Variants in OSBP2 observed in about 807,000 individuals in gnomAD.
The protein encoded by OSBP2 is oxysterol-binding protein 2.
Under a neutral mutation model 96.0 loss-of-function variants are expected in OSBP2, and 66 were observed. The observed-to-expected ratio is 0.69, with a 90% CI of 0.56 to 0.84. OSBP2 has a LOEUF of 0.84. OSBP2 is among the 40% of genes least tolerant of loss of function. The pLI is 0.00. For missense variants in OSBP2, 1,038 were observed against 1,222.7 expected, an observed-to-expected ratio of 0.85 and a Z score of 2.25; for synonymous variants, 525 against 520.9, an observed-to-expected ratio of 1.01 and a Z score of -0.11.
In OSBP2 at chr22:30,870,720, C is replaced by T. The variant is rs1266170644; in HGVS notation, c.1107+38C>T. ...CCCCACCGCCCTGGCACGGGGCTCC[C>T]TGGCTCCAGCCCCGGGGTCCCTCGG... On this transcript the variant is annotated intron_variant, in intron 3 of 13. Transcript: ENST00000332585. The surrounding 1 kb of genome is among the most constrained non-coding windows in gnomAD (Gnocchi z 4.1). 1.3e-6 allele frequency: 2 copies of T among 1,598,270 alleles called. No individual in the cohort carries two copies. Among genetic ancestry groups the T allele is most frequent in the Admixed American group, 3.3e-5 (2 of 59,728 alleles).
At chr22:30,813,171 CTTTTTTTTTTTT>C (rs911860511) in intron 2 of OSBP2, among the ~76,000 whole-genome samples, 9 of 78,588 alleles carry the variant, frequency 1.1e-4, no homozygotes, top group African/African-American at 3.1e-4. Context: ...ATGTTGCATT[CTTTTTTTTTTTT>C]TTTTTTTTTT....
At chr22:30,903,423 C>T (rs992503479) in intron 12 of OSBP2, among the ~76,000 whole-genome samples, 4 of 152,226 alleles carry the variant, frequency 2.6e-5, no homozygotes, top group African/African-American at 9.6e-5. Flanking sequence ...GCTCCATGAC[C>T]CCCTCCCAAA....
chr22:30,740,358 C>G (rs1489838064), intron 1 of OSBP2, among the ~76,000 whole-genome samples: 1 of 152,188 alleles, frequency 6.6e-6, no homozygotes, highest in Non-Finnish European at 1.5e-5. Flanking sequence ...CAAAATATCT[C>G]AAGCACTGCT....
At chr22:30,809,438 G>A (rs140129123) in intron 2 of OSBP2, among the ~76,000 whole-genome samples, 234 of 152,282 alleles carry the variant, frequency 1.5e-3, no homozygotes, top group Middle Eastern at 3.4e-3. Flanking sequence ...CAGCTGTCAA[G>A]GAAGTCTCCT....
At position 30,741,169 on chromosome 22, in the gene OSBP2, G is replaced by C; in HGVS notation, c.653G>C (p.Gly218Ala). The change falls in exon 2 of 14, where the codon GGT becomes GCT. Residue 218 changes from glycine to alanine, a missense_variant. Transcript: ENST00000332585. ...NGLLSYYRNQ[G>A]EMAHTCRGTI... ...TCTCTTACATCCTACAGAAATCAGG[G>C]TGAAATGGCCCACACGTGCCGTGGA... The C allele has an allele frequency of 1.9e-6, 3 of 1,613,820 alleles. No homozygotes were observed. The highest frequency in any genetic ancestry group is 2.5e-6 in the Non-Finnish European group (3 of 1,179,748).
At chr22:30,774,414 A>G (rs1331406009) in intron 2 of OSBP2, among the ~76,000 whole-genome samples, 2 of 152,154 alleles carry the variant, frequency 1.3e-5, no homozygotes, top group Non-Finnish European at 2.9e-5. Flanking sequence ...GAGCATTGTC[A>G]TTGGAGTTAA....
chr22:30,708,601 G>A (rs954515961), intron 1 of OSBP2, among the ~76,000 whole-genome samples: 5 of 138,442 alleles, frequency 3.6e-5, no homozygotes, highest in African/African-American at 1.1e-4. Flanking sequence ...CAATTCTTCC[G>A]CCTCAGCCTC....
intron 3 of OSBP2, among the ~76,000 whole-genome samples, chr22:30,874,042 G>T (rs1011739158): frequency 6.6e-6 from 1 of 152,168 alleles, no homozygotes; most frequent in Non-Finnish European, 1.5e-5. Flanking sequence ...TTCAAGACCA[G>T]CATGGCCAAC....
chr22:30,781,828 T>C (rs951487007), intron 2 of OSBP2, among the ~76,000 whole-genome samples: 2 of 152,218 alleles, frequency 1.3e-5, no homozygotes, highest in African/African-American at 4.8e-5. Flanking sequence ...AACCACTCTT[T>C]TTGTTTTCAA....
At chr22:30,740,134 C>T (rs1001097116) in intron 1 of OSBP2, among the ~76,000 whole-genome samples, 8 of 152,064 alleles carry the variant, frequency 5.3e-5, no homozygotes, top group South Asian at 2.1e-4. Flanking sequence ...TGTGAGCCAC[C>T]GCGCCTGGCC....
intron 2 of OSBP2, among the ~76,000 whole-genome samples, chr22:30,813,335 G>A (rs1485407812): frequency 6.6e-6 from 1 of 151,718 alleles, no homozygotes; most frequent in African/African-American, 2.4e-5. Context: ...CACCATGCCT[G>A]ACTAATTTTT....
chr22:30,897,183 T>C (rs1015979287), intron 12 of OSBP2, among the ~76,000 whole-genome samples: 2 of 152,202 alleles, frequency 1.3e-5, no homozygotes, highest in Non-Finnish European at 2.9e-5. Flanking sequence ...GTTTTAAACA[T>C]TATGCATATA....
At chr22:30,703,806 G>A (rs1343781082) in intron 1 of OSBP2, among the ~76,000 whole-genome samples, 2 of 152,122 alleles carry the variant, frequency 1.3e-5, no homozygotes. Context: ...CTACTTTTCT[G>A]TGTATCTGAT....
intron 3 of OSBP2, among the ~76,000 whole-genome samples, chr22:30,873,433 C>G (rs2039503628): frequency 6.6e-6 from 1 of 152,192 alleles, no homozygotes; most frequent in South Asian, 2.1e-4. Flanking sequence ...GTCACCATGG[C>G]TGCAGCCCCA....
chr22:30,720,600 G>A (rs2089532559), intron 1 of OSBP2, among the ~76,000 whole-genome samples: 1 of 152,164 alleles, frequency 6.6e-6, no homozygotes, highest in Non-Finnish European at 1.5e-5. Context: ...GTCAGTGTGG[G>A]AGGAAAACAC....
At position 30,893,722 on chromosome 22, in the gene OSBP2, G is replaced by A; in HGVS notation, c.2179G>A (p.Ala727Thr). The A allele has an allele frequency of 6.2e-7, 1 of 1,614,116 alleles. No individual in the cohort carries two copies. Among genetic ancestry groups the A allele is most frequent in the Non-Finnish European group, 8.5e-7 (1 of 1,179,970 alleles). ...GCCCTACAGCTACTTCTCCAAAGAG[G>A]CAGCCCGGAAGGTAAGCAGGACCAG... Reference protein sequence around the residue: ...FLPYSYFSKEAARKVTGVVSD... With the variant: ...FLPYSYFSKETARKVTGVVSD... The change falls in exon 11 of 14, where the codon GCA (alanine) becomes ACA (threonine). Residue 727 changes from alanine (A) to threonine (T), a missense_variant. Coordinates refer to ENST00000332585, the MANE Select transcript of OSBP2 (RefSeq NM_030758.4).
chr22:30,809,547 GAGCAGGGAGC>G (rs1017798180), intron 2 of OSBP2, among the ~76,000 whole-genome samples: 1 of 152,218 alleles, frequency 6.6e-6, no homozygotes, highest in Non-Finnish European at 1.5e-5. Context: ...GAAGGCATGA[GAGCAGGGAGC>G]AGCCGGTGGA....
intron 2 of OSBP2, among the ~76,000 whole-genome samples, chr22:30,816,178 C>T (rs11914209): frequency 0.018 from 2,739 of 152,114 alleles, 76 homozygotes; most frequent in African/African-American, 0.06. Flanking sequence ...GCCAAGGCTG[C>T]TTTAATTGGT....
chr22:30,715,842 C>G (rs866256639), intron 1 of OSBP2, among the ~76,000 whole-genome samples: 1 of 144,180 alleles, frequency 6.9e-6, no homozygotes, highest in South Asian at 2.3e-4. Context: ...TAAGCATGAG[C>G]CACCACACCT....
Sources: allele counts gnomAD v4.1 joint callset (sites outside exome capture counted in the v4.1 genomes callset), GRCh38; gene constraint gnomAD v4.1.1; non-coding constraint Gnocchi (gnomAD v3.1); transcripts MANE v1.5; gene names NCBI Gene and HGNC (gene_info 2026-07-23, HGNC 2026-07-21).